The following DPYD variants were observed in gnomAD, a reference collection of about 807,000 sequenced individuals.
The protein encoded by DPYD is dihydropyrimidine dehydrogenase [NADP(+)].
DPYD carries 109 observed loss-of-function variants against 116.2 expected under a neutral mutation model. The observed-to-expected ratio is 0.94, with a 90% CI of 0.80 to 1.10. The LOEUF (loss-of-function observed/expected upper bound fraction) is 1.10. Ranked by LOEUF, DPYD falls within the 50% of genes least tolerant of loss-of-function variation. The pLI, the probability that DPYD is intolerant of heterozygous loss-of-function variation, is 0.00. For missense variants in DPYD, 1,302 were observed against 1,254.5 expected, an observed-to-expected ratio of 1.04 and a Z score of -0.57; for synonymous variants, 440 against 432.0, an observed-to-expected ratio of 1.02 and a Z score of -0.23.
At chr1:97,913,706 C>T (rs1036859473) in intron 1 of DPYD, among the ~76,000 whole-genome samples, 1 of 152,018 alleles carries the variant, frequency 6.6e-6, no homozygotes, top group African/African-American at 2.4e-5. Context: ...AGATTAAGAT[C>T]TACCGGGTGA....
intron 8 of DPYD, among the ~76,000 whole-genome samples, chr1:97,609,140 C>T (rs911489669): frequency 2.0e-5 from 3 of 151,868 alleles, no homozygotes; most frequent in Non-Finnish European, 4.4e-5. Flanking sequence ...TAGGTAATTT[C>T]TATGATGACA....
intron 8 of DPYD, among the ~76,000 whole-genome samples, chr1:97,603,116 C>T (rs1655367870): frequency 6.6e-6 from 1 of 151,874 alleles, no homozygotes; most frequent in Admixed American, 6.6e-5. Flanking sequence ...ATTTTAATCC[C>T]CGCATTGTGA....
intron 12 of DPYD, among the ~76,000 whole-genome samples, chr1:97,521,639 CTCTA>C (rs1648674122): frequency 1.3e-5 from 2 of 152,120 alleles, no homozygotes; most frequent in African/African-American, 2.4e-5. Flanking sequence ...GGAGGCATCA[CTCTA>C]TCTAACTTCA....
At chr1:97,456,906 A>C (rs1178700133) in intron 13 of DPYD, among the ~76,000 whole-genome samples, 1 of 152,050 alleles carries the variant, frequency 6.6e-6, no homozygotes, top group Non-Finnish European at 1.5e-5. Context: ...GTGGCCCAAA[A>C]CCTTGCAAGA....
At chr1:97,380,394 CA>C (rs1671884825) in intron 15 of DPYD, among the ~76,000 whole-genome samples, 1 of 152,154 alleles carries the variant, frequency 6.6e-6, no homozygotes, top group Non-Finnish European at 1.5e-5. Context: ...TTGACACAAG[CA>C]GTAGAAACTT....
intron 3 of DPYD, among the ~76,000 whole-genome samples, chr1:97,803,573 C>T (rs894945819): frequency 6.6e-6 from 1 of 151,724 alleles, no homozygotes; most frequent in South Asian, 2.1e-4. Context: ...TGGGACTACA[C>T]AAAAAACAGA....
intron 4 of DPYD, among the ~76,000 whole-genome samples, chr1:97,731,261 A>G (rs183261523): frequency 1.3e-4 from 20 of 152,230 alleles, no homozygotes; most frequent in African/African-American, 3.6e-4. Flanking sequence ...TGCATAGTAC[A>G]GTGTGTTATT....
At chr1:97,388,313 C>G (rs1228381792) in intron 14 of DPYD, among the ~76,000 whole-genome samples, 3 of 151,886 alleles carry the variant, frequency 2.0e-5, no homozygotes, top group African/African-American at 7.3e-5. Context: ...AATTGTGCCA[C>G]TGGATATATG....
intron 7 of DPYD, chr1:97,691,443 AC>A (rs1235442612): frequency 3.0e-6 from 1 of 333,654 alleles, no homozygotes; most frequent in African/African-American, 2.1e-5. Flanking sequence ...GCTGCACTGA[AC>A]CCCTAAAGCA....
chr1:97,880,268 A>G (rs1332378709), intron 2 of DPYD, among the ~76,000 whole-genome samples: 1 of 151,676 alleles, frequency 6.6e-6, no homozygotes, highest in African/African-American at 2.4e-5. Flanking sequence ...CAAGAAGGAG[A>G]TGTCAGTGAG....
At position 97,762,801 on chromosome 1, in the gene DPYD, C is replaced by T. The variant is rs142678325; in HGVS notation, c.234-22322G>A. 3.9e-5 allele frequency among the ~76,000 whole-genome samples: 6 copies of T among 152,148 alleles called. No individual in the cohort carries two copies. In the East Asian group the frequency reaches 1.2e-3, roughly 29 times the overall value. On this transcript the variant is annotated intron_variant, in intron 3 of 22. Coordinates refer to ENST00000370192, the MANE Select transcript of DPYD (RefSeq NM_000110.4). ...ATTTTCAAAGAACTGTCAAATCAAG[C>T]TCACACTCCCGAAATAGGGTAGTAG...
chr1:97,851,711 A>G (rs1047984308), intron 2 of DPYD, among the ~76,000 whole-genome samples: 3 of 12,172 alleles, frequency 2.5e-4, no homozygotes, highest in Non-Finnish European at 8.7e-4. Context: ...AGTAGCAAAG[A>G]AAAAAAAAAA....
chr1:97,280,857 T>C (rs955987857), intron 18 of DPYD, among the ~76,000 whole-genome samples: 1 of 152,144 alleles, frequency 6.6e-6, no homozygotes, highest in East Asian at 1.9e-4. Flanking sequence ...AACAATATAG[T>C]GTATATCTCA....
At chr1:97,480,658 T>C (rs537959412) in intron 13 of DPYD, among the ~76,000 whole-genome samples, 69 of 152,334 alleles carry the variant, frequency 4.5e-4, no homozygotes, top group African/African-American at 1.5e-3. Flanking sequence ...ACATTTTACT[T>C]TTCTAGAAGT....
intron 18 of DPYD, among the ~76,000 whole-genome samples, chr1:97,246,365 T>G (rs999878363): frequency 8.6e-5 from 13 of 152,010 alleles, no homozygotes; most frequent in Non-Finnish European, 1.5e-4. Flanking sequence ...CCCAATTTTG[T>G]GGGTCAGACA....
At chr1:97,551,362 A>G (rs963582098) in intron 11 of DPYD, among the ~76,000 whole-genome samples, 3 of 152,150 alleles carry the variant, frequency 2.0e-5, no homozygotes, top group Non-Finnish European at 4.4e-5. Context: ...TTGAGTTGCA[A>G]GAAAGTCAAT....
At chr1:97,320,959 AC>A (rs1308735329) in intron 16 of DPYD, among the ~76,000 whole-genome samples, 1 of 53,480 alleles carries the variant, frequency 1.9e-5, no homozygotes, top group Non-Finnish European at 3.4e-5. Flanking sequence ...TCTTTGACAA[AC>A]CTGAGAAAAA....
At chr1:97,173,083 C>T (rs1656854292) in intron 20 of DPYD, among the ~76,000 whole-genome samples, 1 of 151,910 alleles carries the variant, frequency 6.6e-6, no homozygotes, top group Non-Finnish European at 1.5e-5. Context: ...TTGCGTCCGG[C>T]TTCCACTAAT....
intron 16 of DPYD, among the ~76,000 whole-genome samples, chr1:97,331,526 C>T (rs531524529): frequency 6.6e-5 from 10 of 152,140 alleles, no homozygotes; most frequent in South Asian, 2.1e-4. Context: ...ATATTTTATA[C>T]GAGTCCATTC....
Sources: gnomAD v4.1 joint callset for allele counts (sites outside exome capture counted in the v4.1 genomes callset) on GRCh38, gnomAD v4.1.1 for gene constraint, MANE v1.5 for transcripts, NCBI Gene and HGNC (gene_info 2026-07-23, HGNC 2026-07-21) for gene names.